Variants in EMC3 observed in about 807,000 individuals in gnomAD.
EMC3 encodes 30 kDa protein.
In EMC3, 13 loss-of-function variants were observed where a neutral mutation model predicts 36.6. The ratio of observed to expected loss-of-function variants is 0.35; its 90% CI spans 0.23 to 0.56. The LOEUF (loss-of-function observed/expected upper bound fraction) is 0.56, where lower values mean the gene tolerates loss of function less well. Ranked by LOEUF, EMC3 falls within the 20% of genes least tolerant of loss-of-function variation. EMC3 has a pLI of 0.84. For synonymous variants in EMC3, 120 were observed against 111.9 expected (o/e 1.07, Z -0.46); for missense variants, 220 against 324.5 (o/e 0.68, Z 2.47).
intron 1 of EMC3, among the ~76,000 whole-genome samples, chr3:9,995,107 A>T (rs2086107266): frequency 6.6e-6 from 1 of 152,164 alleles, no homozygotes; most frequent in Non-Finnish European, 1.5e-5. Flanking sequence ...GTAATTGAGA[A>T]TTCTGTTATG....
upstream of EMC3, among the ~76,000 whole-genome samples, chr3:9,991,621 C>T (rs2086053461): frequency 6.6e-6 from 1 of 152,098 alleles, no homozygotes; most frequent in South Asian, 2.1e-4. Context: ...GCTCAATGAT[C>T]CTCCCTCCTC....
chr3:10,000,677 C>A, intron 1 of EMC3: 2 of 478,622 alleles, frequency 4.2e-6, no homozygotes, highest in Admixed American at 2.2e-5. Context: ...AGCTATCAAG[C>A]CTGCCCTTTC....
At chr3:9,992,292 T>G (rs1448177703) in intron 1 of EMC3, among the ~76,000 whole-genome samples, 1 of 151,934 alleles carries the variant, frequency 6.6e-6, no homozygotes, top group Non-Finnish European at 1.5e-5. Context: ...GGCCAATTTT[T>G]TTTTGTATTT....
chr3:9,985,650 C>T (rs2085962531), intron 1 of EMC3, among the ~76,000 whole-genome samples: 2 of 152,172 alleles, frequency 1.3e-5, no homozygotes, highest in South Asian at 2.1e-4. Flanking sequence ...AATCCCAGCA[C>T]TTTGGGAGGC....
chr3:10,010,133 C>T lies in EMC3; in HGVS notation c.-242+890G>A, dbSNP rs369191853. The T allele has an allele frequency of 1.3e-4, 20 of 152,860 alleles. No individual in the cohort carries two copies. The East Asian group carries it at 2.1e-3, about 16-fold the overall frequency. The allele number at this position is 152,860 out of a possible 1,614,324, so 9.5% of individuals were successfully genotyped here. On this transcript the variant is annotated intron_variant, in intron 1 of 8. Transcript: ENST00000470827. ...ACACCCCACTGGGCACTGCTCTTCCCTATCTTAAAAGACTTTCGGCCGGGC... is the reference window on the plus strand; with the variant it reads ...ACACCCCACTGGGCACTGCTCTTCCTTATCTTAAAAGACTTTCGGCCGGGC...
intron 1 of EMC3, among the ~76,000 whole-genome samples, chr3:10,001,409 A>C (rs2086198470): frequency 8.9e-6 from 1 of 111,900 alleles, no homozygotes; most frequent in Non-Finnish European, 2.0e-5. Flanking sequence ...AAAATACAAA[A>C]AAAAAAAAAA....
intron 5 of EMC3, among the ~76,000 whole-genome samples, chr3:9,971,440 C>G (rs2085784356): frequency 6.6e-6 from 1 of 152,178 alleles, no homozygotes; most frequent in Non-Finnish European, 1.5e-5. Context: ...AAGATCCACA[C>G]TCATTCCAAC....
At chr3:9,990,309 C>T (rs1302149716), upstream of EMC3, among the ~76,000 whole-genome samples, 10 of 147,580 alleles carry the variant, frequency 6.8e-5, no homozygotes, top group Admixed American at 6.0e-4. Flanking sequence ...TGTGAGCCAC[C>T]GTGCCGGGCC....
chr3:9,964,670 G>C (rs960834277), intron 7 of EMC3, among the ~76,000 whole-genome samples: 3 of 152,108 alleles, frequency 2.0e-5, no homozygotes, highest in African/African-American at 7.2e-5. Context: ...AATGGCCCAG[G>C]GTATCTTCAG....
At chr3:9,984,306 T>A (rs972012049) in intron 1 of EMC3, among the ~76,000 whole-genome samples, 16 of 151,904 alleles carry the variant, frequency 1.1e-4, no homozygotes, top group African/African-American at 3.1e-4. Flanking sequence ...GGTCTCAATC[T>A]CTTGACCTCA....
At chr3:9,989,772 AAATAT>A (rs2124924332), upstream of EMC3, among the ~76,000 whole-genome samples, 1 of 152,204 alleles carries the variant, frequency 6.6e-6, no homozygotes, top group African/African-American at 2.4e-5. Context: ...TTATAAATAT[AAATAT>A]AATTTGTATT....
intron 1 of EMC3, among the ~76,000 whole-genome samples, chr3:9,995,219 A>G (rs529733439): frequency 6.6e-6 from 1 of 152,056 alleles, no homozygotes; most frequent in South Asian, 2.1e-4. Context: ...GCTTGGAAAC[A>G]TGCAAATCTA....
At chr3:10,003,353 C>A in intron 1 of EMC3, 1 of 375,332 alleles carries the variant, frequency 2.7e-6, no homozygotes, top group Non-Finnish European at 5.3e-6. Context: ...TTGCCTGTGT[C>A]CACCGCCGAA....
rs2085708948 is a variant in EMC3, at chr3:9,963,487, T to TTTC, written c.*581_*582insGAA. On this transcript the variant is annotated 3_prime_UTR_variant, in exon 8 of 8. Coordinates refer to ENST00000245046, the MANE Select transcript of EMC3 (RefSeq NM_001394674.1). Reference sequence around the variant, plus strand: ...TATATATATATATATATTTTTTTTTTTTTTTCAGATGGAGTTTTGCTCTGT... The same window carrying TTTC: ...TATATATATATATATATTTTTTTTTTTTCTTTTTCAGATGGAGTTTTGCTCTGT... The TTTC allele has an allele frequency of 8.5e-6, 1 of 117,844 alleles. No homozygotes were observed. The highest frequency in any genetic ancestry group is 1.8e-5 in the Non-Finnish European group (1 of 56,572). 7.3% of individuals were successfully genotyped at this position (117,844 alleles called of 1,614,324 possible). A position where few individuals can be genotyped will look rare whatever the true frequency, so the allele number is the denominator to read the frequency against.
At chr3:9,975,728 C>T (rs928434480) in intron 3 of EMC3, among the ~76,000 whole-genome samples, 1 of 148,518 alleles carries the variant, frequency 6.7e-6, no homozygotes, top group Non-Finnish European at 1.5e-5. Context: ...AGGAGAATCG[C>T]GTGAACCCGG....
chr3:9,981,251 G>A (rs13077641), intron 1 of EMC3, among the ~76,000 whole-genome samples: 34,207 of 151,942 alleles, frequency 0.23, 4,486 homozygotes, highest in African/African-American at 0.36. Flanking sequence ...AAAAACAAAC[G>A]AAAAAACACT....
chr3:9,982,336 C>T (rs1218360536), intron 1 of EMC3, among the ~76,000 whole-genome samples: 1 of 152,140 alleles, frequency 6.6e-6, no homozygotes, highest in African/African-American at 2.4e-5. Flanking sequence ...CTCACTGCAA[C>T]ATCTGCCTCC....
chr3:9,999,216 T>C (rs1253300212), intron 1 of EMC3, among the ~76,000 whole-genome samples: 1 of 152,042 alleles, frequency 6.6e-6, no homozygotes, highest in African/African-American at 2.4e-5. Context: ...TGTACAAAAG[T>C]ATTTAGTTTC....
chr3:9,967,357 C>G (rs1466956598), intron 7 of EMC3, among the ~76,000 whole-genome samples: 1 of 75,216 alleles, frequency 1.3e-5, no homozygotes, highest in Non-Finnish European at 2.4e-5. Context: ...CACTAACATG[C>G]CTGTTGAACC....
Sources: gnomAD v4.1 joint callset for allele counts (sites outside exome capture counted in the v4.1 genomes callset) on GRCh38, gnomAD v4.1.1 for gene constraint, MANE v1.5 for transcripts, NCBI Gene and HGNC (gene_info 2026-07-23, HGNC 2026-07-21) for gene names.